Variants in HCN1 observed in about 807,000 individuals in gnomAD.
HCN1 encodes the protein potassium/sodium hyperpolarization-activated cyclic nucleotide-gated channel 1.
HCN1 carries 13 observed loss-of-function variants against 78.9 expected under a neutral mutation model. The observed-to-expected ratio is 0.16, with a 90% CI of 0.11 to 0.26. The LOEUF (loss-of-function observed/expected upper bound fraction) is 0.26. HCN1 is among the 10% of genes least tolerant of loss of function. The probability of loss-of-function intolerance (pLI) is 1.00; values close to 1 mark genes in which losing one functional copy is unlikely to be tolerated. For missense variants in HCN1, 810 were observed against 1,154.3 expected (o/e 0.70, Z 4.32); for synonymous variants, 552 against 455.5 (o/e 1.21, Z -2.70).
chr5:45,444,122 C>G (rs1250828739), intron 3 of HCN1, among the ~76,000 whole-genome samples: 1 of 152,120 alleles, frequency 6.6e-6, no homozygotes, highest in Non-Finnish European at 1.5e-5. Context: ...ATCCTTTCTG[C>G]TACACTTTTG....
At chr5:45,578,317 C>G (rs1179476985) in intron 2 of HCN1, among the ~76,000 whole-genome samples, 3 of 151,864 alleles carry the variant, frequency 2.0e-5, no homozygotes, top group Admixed American at 6.6e-5. Context: ...ATTAGGCGGT[C>G]TCTTCTTGGA....
chr5:45,602,004 T>A (rs762426230), intron 2 of HCN1, among the ~76,000 whole-genome samples: 1 of 151,932 alleles, frequency 6.6e-6, no homozygotes, highest in Non-Finnish European at 1.5e-5. Flanking sequence ...GTGTGTTAGA[T>A]CTCACAAGAT....
At chr5:45,363,029 A>T (rs1296252506) in intron 4 of HCN1, among the ~76,000 whole-genome samples, 1 of 149,804 alleles carries the variant, frequency 6.7e-6, no homozygotes, top group Non-Finnish European at 1.5e-5. Context: ...CCTGATTACT[A>T]CCATGATACT....
intron 2 of HCN1, among the ~76,000 whole-genome samples, chr5:45,548,729 T>C (rs923248144): frequency 6.6e-5 from 10 of 152,142 alleles, no homozygotes; most frequent in Non-Finnish European, 1.5e-4. Flanking sequence ...GATGCCATGA[T>C]TGTGTACATA....
At chr5:45,496,274 T>A (rs1054143994) in intron 2 of HCN1, among the ~76,000 whole-genome samples, 1 of 151,238 alleles carries the variant, frequency 6.6e-6, no homozygotes, top group Non-Finnish European at 1.5e-5. Flanking sequence ...TGCCACAATT[T>A]CAGAGCCTGT....
intron 3 of HCN1, among the ~76,000 whole-genome samples, chr5:45,428,466 T>TA (rs996397422): frequency 3.9e-5 from 6 of 151,996 alleles, no homozygotes; most frequent in Admixed American, 2.6e-4. Context: ...ATCATTCATT[T>TA]AAAAAAAATT....
intron 4 of HCN1, among the ~76,000 whole-genome samples, chr5:45,365,768 G>A (rs765809778): frequency 1.3e-4 from 20 of 151,756 alleles, no homozygotes; most frequent in Non-Finnish European, 2.4e-4. Flanking sequence ...TCTCCATATC[G>A]TTTTACTTAT....
chr5:45,685,268 G>C (rs1381381929), intron 1 of HCN1, among the ~76,000 whole-genome samples: 1 of 152,110 alleles, frequency 6.6e-6, no homozygotes, highest in Admixed American at 6.5e-5. Flanking sequence ...GCCATTTTCT[G>C]ATGAAAAGAA....
intron 5 of HCN1, among the ~76,000 whole-genome samples, chr5:45,342,305 C>T (rs1746599861): frequency 6.6e-6 from 1 of 150,912 alleles, no homozygotes; most frequent in Non-Finnish European, 1.5e-5. Context: ...TCTCAACTCA[C>T]TGCAACCTCT....
intron 3 of HCN1, among the ~76,000 whole-genome samples, chr5:45,413,499 C>T (rs958436297): frequency 6.6e-6 from 1 of 151,920 alleles, no homozygotes; most frequent in Non-Finnish European, 1.5e-5. Flanking sequence ...ATTATACATG[C>T]CAATTTGAGG....
At position 45,255,720 on chromosome 5, in the gene HCN1, C is replaced by A. The variant is rs1744595928; in HGVS notation, c.*6201G>T. On this transcript the variant is annotated 3_prime_UTR_variant, in exon 8 of 8. Transcript: ENST00000303230. ...TTTGGAAAACTCTTTTTGAATCTTT[C>A]AAATTTCTTTGGGTTATGTTCTTTC... 1 of 152,136 alleles carries A rather than the reference C, an allele frequency of 6.6e-6. No individual in the cohort carries two copies. The highest frequency in any genetic ancestry group is 6.5e-5 in the Admixed American group (1 of 15,278). 9.4% of individuals were successfully genotyped at this position (152,136 alleles called of 1,614,324 possible). A position where few individuals can be genotyped will look rare whatever the true frequency, so the allele number is the denominator to read the frequency against.
intron 5 of HCN1, among the ~76,000 whole-genome samples, chr5:45,333,796 G>A (rs1473164967): frequency 6.6e-6 from 1 of 151,654 alleles, no homozygotes; most frequent in African/African-American, 2.4e-5. Context: ...AACCTTCAAA[G>A]TGTTTGTTAT....
intron 6 of HCN1, among the ~76,000 whole-genome samples, chr5:45,278,918 T>TAA (rs1358684594): frequency 6.6e-6 from 1 of 152,070 alleles, no homozygotes. Flanking sequence ...AAAGGTTTGT[T>TAA]AAAATAAAAG....
intron 2 of HCN1, among the ~76,000 whole-genome samples, chr5:45,549,978 C>T (rs1743329819): frequency 6.6e-6 from 1 of 152,094 alleles, no homozygotes; most frequent in Admixed American, 6.6e-5. Flanking sequence ...GAATGGCGAT[C>T]ATTAAAAAGT....
chr5:45,372,145 A>G (rs1325075035), intron 4 of HCN1, among the ~76,000 whole-genome samples: 1 of 54,098 alleles, frequency 1.8e-5, no homozygotes, highest in African/African-American at 1.2e-4. Context: ...ATAATAATAT[A>G]TTATATAATA....
chr5:45,602,211 CT>C, intron 2 of HCN1, among the ~76,000 whole-genome samples: 1 of 152,196 alleles, frequency 6.6e-6, no homozygotes, highest in South Asian at 2.1e-4. Context: ...TGAGAATGGA[CT>C]AATGCTTCCC....
chr5:45,581,041 G>A (rs1464695540), intron 2 of HCN1, among the ~76,000 whole-genome samples: 1 of 152,112 alleles, frequency 6.6e-6, no homozygotes, highest in African/African-American at 2.4e-5. Context: ...ATAACCCTTT[G>A]GGTATCTACC....
intron 2 of HCN1, among the ~76,000 whole-genome samples, chr5:45,485,748 G>A (rs1487347364): frequency 6.6e-6 from 1 of 152,084 alleles, no homozygotes; most frequent in Non-Finnish European, 1.5e-5. Flanking sequence ...AAGATCCAAG[G>A]GTTCAAAACC....
chr5:45,479,632 G>A (rs1420180358), intron 2 of HCN1, among the ~76,000 whole-genome samples: 1 of 152,094 alleles, frequency 6.6e-6, no homozygotes, highest in Admixed American at 6.6e-5. Flanking sequence ...GTGGCTCCTA[G>A]GTTTCTAATT....
Sources: allele counts gnomAD v4.1 joint callset (sites outside exome capture counted in the v4.1 genomes callset), GRCh38; gene constraint gnomAD v4.1.1; transcripts MANE v1.5; gene names NCBI Gene and HGNC (gene_info 2026-07-23, HGNC 2026-07-21).